ABTB3: variants seen among roughly 807,000 people sequenced by gnomAD.
The protein encoded by ABTB3 is ankyrin repeat- and BTB/POZ domain-containing protein 3.
chr12:107,418,520 G>C, the ABTB3 span, among the ~76,000 whole-genome samples: 2 of 152,102 alleles, frequency 1.3e-5, no homozygotes, highest in Non-Finnish European at 2.9e-5. Context: ...CAGCCCACCC[G>C]GCCTAGCCAC....
chr12:107,463,254 T>A, the ABTB3 span, among the ~76,000 whole-genome samples: 3 of 151,308 alleles, frequency 2.0e-5, no homozygotes, highest in Non-Finnish European at 4.4e-5. Flanking sequence ...ATGGTGATGA[T>A]GGTGATGGTG....
At chr12:107,568,651 A>G in the ABTB3 span, among the ~76,000 whole-genome samples, 5 of 152,230 alleles carry the variant, frequency 3.3e-5, no homozygotes, top group African/African-American at 9.6e-5. Flanking sequence ...TTTTCATCAG[A>G]GCAGAAAGTT....
At chr12:107,443,827 C>G in the ABTB3 span, among the ~76,000 whole-genome samples, 1 of 152,162 alleles carries the variant, frequency 6.6e-6, no homozygotes, top group Non-Finnish European at 1.5e-5. Context: ...CACTGGATGG[C>G]TGCATCCAGT....
the ABTB3 span, chr12:107,618,498 G>A: frequency 3.2e-5 from 27 of 842,852 alleles, no homozygotes; most frequent in South Asian, 2.5e-4. Context: ...GCACACACAC[G>A]TGCACACACA....
chr12:107,637,397 AT>A, the ABTB3 span, among the ~76,000 whole-genome samples: 31 of 152,048 alleles, frequency 2.0e-4, no homozygotes, highest in African/African-American at 5.8e-4. Flanking sequence ...ATCTCAAAAA[AT>A]TTAAAAAAAA....
the ABTB3 span, among the ~76,000 whole-genome samples, chr12:107,485,657 T>C: frequency 8.1e-4 from 123 of 152,294 alleles, 2 homozygotes; most frequent in African/African-American, 2.9e-3. Context: ...ATAATACCTG[T>C]AGGGCAATAA....
At chr12:107,331,295 A>G in the ABTB3 span, among the ~76,000 whole-genome samples, 2 of 152,350 alleles carry the variant, frequency 1.3e-5, no homozygotes, top group African/African-American at 4.8e-5. Context: ...GAGCAAAGCC[A>G]CAGGTGCTTC....
At chr12:107,497,334 C>T in the ABTB3 span, among the ~76,000 whole-genome samples, 1 of 151,906 alleles carries the variant, frequency 6.6e-6, no homozygotes, top group Non-Finnish European at 1.5e-5. Context: ...CCATCACCAT[C>T]CCCACCTCTA....
the ABTB3 span, chr12:107,642,270 C>T: frequency 9.2e-7 from 1 of 1,086,832 alleles, no homozygotes; most frequent in South Asian, 1.3e-5. Flanking sequence ...TGGAGAAGTC[C>T]TTGGAATGAG....
chr12:107,370,961 G>T, the ABTB3 span, among the ~76,000 whole-genome samples: 1 of 151,770 alleles, frequency 6.6e-6, no homozygotes, highest in Non-Finnish European at 1.5e-5. Flanking sequence ...CTACTATACG[G>T]CAGCCCTCAG....
chr12:107,638,280 G>A, the ABTB3 span, among the ~76,000 whole-genome samples: 2 of 152,110 alleles, frequency 1.3e-5, no homozygotes, highest in Non-Finnish European at 2.9e-5. Flanking sequence ...AGGGTTCAGG[G>A]TCTGAGTGAA....
chr12:107,450,427 G>T, the ABTB3 span, among the ~76,000 whole-genome samples: 1 of 152,154 alleles, frequency 6.6e-6, no homozygotes, highest in Non-Finnish European at 1.5e-5. Flanking sequence ...TCGATGGAGT[G>T]CAGAAGCTTC....
At chr12:107,485,716 AC>A in the ABTB3 span, among the ~76,000 whole-genome samples, 1 of 152,224 alleles carries the variant, frequency 6.6e-6, no homozygotes, top group Non-Finnish European at 1.5e-5. Context: ...CTCTTGACAC[AC>A]AACATAACTT....
the ABTB3 span, among the ~76,000 whole-genome samples, chr12:107,648,577 T>C: frequency 6.6e-6 from 1 of 152,148 alleles, no homozygotes; most frequent in African/African-American, 2.4e-5. Flanking sequence ...TGTTTGGACA[T>C]CGTGAGTCAC....
chr12:107,503,237 C>G, the ABTB3 span, among the ~76,000 whole-genome samples: 1 of 152,148 alleles, frequency 6.6e-6, no homozygotes, highest in Non-Finnish European at 1.5e-5. Context: ...TGCCTGGTGC[C>G]TGGCCCTGGA....
At chr12:107,468,453 G>A in the ABTB3 span, among the ~76,000 whole-genome samples, 2 of 152,188 alleles carry the variant, frequency 1.3e-5, no homozygotes, top group African/African-American at 4.8e-5. Context: ...AGGGACCTGC[G>A]TGTGAGTAGC....
At chr12:107,319,889 CCGGCCGCCG>C in the ABTB3 span, 140 of 1,339,532 alleles carry the variant, frequency 1.0e-4, 1 homozygote, top group Middle Eastern at 1.2e-3. Flanking sequence ...TTGCGCCCCG[CCGGCCGCCG>C]CGGCCGCCGC....
chr12:107,578,383 CTTTTTT>C, the ABTB3 span, among the ~76,000 whole-genome samples: 90 of 57,182 alleles, frequency 1.6e-3, no homozygotes, highest in African/African-American at 3.4e-3. Context: ...CTTTCTTCTT[CTTTTTT>C]TTTTTTTTTT....
At chr12:107,626,563 T>G in the ABTB3 span, among the ~76,000 whole-genome samples, 1 of 151,944 alleles carries the variant, frequency 6.6e-6, no homozygotes, top group Non-Finnish European at 1.5e-5. Context: ...TTAGCCAGGA[T>G]AGTCTCGATC....
Sources: allele counts gnomAD v4.1 joint callset (sites outside exome capture counted in the v4.1 genomes callset), GRCh38; gene constraint gnomAD v4.1.1; transcripts MANE v1.5; gene names NCBI Gene and HGNC (gene_info 2026-07-23, HGNC 2026-07-21).